The following EDNRB variants were observed in gnomAD, a reference collection of about 807,000 sequenced individuals.
EDNRB encodes the protein Hirschsprung disease 2.
EDNRB carries 18 observed loss-of-function variants against 46.4 expected under a neutral mutation model. The ratio of observed to expected loss-of-function variants is 0.39; its 90% CI spans 0.27 to 0.57. The LOEUF (loss-of-function observed/expected upper bound fraction) is 0.57. EDNRB is among the 20% of genes least tolerant of loss of function. EDNRB has a pLI of 0.61. For synonymous variants in EDNRB, 213 were observed against 204.9 expected (o/e 1.04, Z -0.34); for missense variants, 434 against 537.5 (o/e 0.81, Z 1.90).
chr13:77,911,079 T>C (rs1010298741), intron 1 of EDNRB, among the ~76,000 whole-genome samples: 1 of 152,032 alleles, frequency 6.6e-6, no homozygotes. Context: ...TAGTTTGAGC[T>C]TTAAAACTAT....
At chr13:77,958,891 C>G (rs1223533835) in intron 1 of EDNRB, among the ~76,000 whole-genome samples, 1 of 152,204 alleles carries the variant, frequency 6.6e-6, no homozygotes, top group East Asian at 1.9e-4. Flanking sequence ...GATCTGAGCA[C>G]CTTGAGTGGA....
At chr13:77,968,899 G>T (rs1881650657) in intron 1 of EDNRB, among the ~76,000 whole-genome samples, 2 of 152,156 alleles carry the variant, frequency 1.3e-5, no homozygotes, top group Non-Finnish European at 2.9e-5. Context: ...GATTGTTCTT[G>T]AAGTTGGACA....
intron 1 of EDNRB, among the ~76,000 whole-genome samples, chr13:77,959,944 G>A (rs1300509572): frequency 6.6e-6 from 1 of 152,202 alleles, no homozygotes; most frequent in South Asian, 2.1e-4. Flanking sequence ...ATCAGTGATT[G>A]AAGATCAAAT....
At chr13:77,928,827 A>G (rs1014242167) in intron 1 of EDNRB, among the ~76,000 whole-genome samples, 1 of 152,234 alleles carries the variant, frequency 6.6e-6, no homozygotes, top group African/African-American at 2.4e-5. Context: ...AAATCATTTA[A>G]GAAGAACTTC....
Position 77,903,551 on chromosome 13 carries a change from T to C in EDNRB, c.540A>G (p.Ile180Met), listed in dbSNP as rs759131722. ...GAEMCKLVPF[I>M]QKASVGITVL... ...CAGTGATTCCCACAGAGGCTTTCTG[T>C]ATGAAAGGCACCAGCTTACACATCT... Residue 180 changes from isoleucine (I) to methionine (M), a missense_variant, in exon 2 of 7, where the codon ATA (isoleucine) becomes ATG (methionine). Physicochemically the swap from Ile to Met is conservative, Grantham distance 10. Coordinates refer to ENST00000646607, the MANE Select transcript of EDNRB (RefSeq NM_001122659.3). 4.7e-5 allele frequency: 76 copies of C among 1,612,758 alleles called. No individual in the cohort carries two copies. Among genetic ancestry groups the C allele is most frequent in the Non-Finnish European group, 5.7e-5 (67 of 1,179,278 alleles).
chr13:77,899,410 C>A, intron 6 of EDNRB: 1 of 83,794 alleles, frequency 1.2e-5, no homozygotes. Context: ...AGAGGTAAAA[C>A]CTAAACTATT....
intron 1 of EDNRB, among the ~76,000 whole-genome samples, chr13:77,927,392 C>T (rs1209607556): frequency 6.6e-6 from 1 of 152,090 alleles, no homozygotes; most frequent in Non-Finnish European, 1.5e-5. Context: ...ACAAGTTGAC[C>T]CATCTGGGGG....
At chr13:77,944,231 T>G (rs1880837471) in intron 1 of EDNRB, among the ~76,000 whole-genome samples, 1 of 152,148 alleles carries the variant, frequency 6.6e-6, no homozygotes, top group South Asian at 2.1e-4. Context: ...AATAATGCTC[T>G]ATGGGGAATA....
chr13:77,940,676 C>A (rs755795612), intron 1 of EDNRB, among the ~76,000 whole-genome samples: 4 of 151,336 alleles, frequency 2.6e-5, no homozygotes, highest in Non-Finnish European at 4.4e-5. Flanking sequence ...AAATCTCATT[C>A]AAAGCCAAGG....
intron 1 of EDNRB, among the ~76,000 whole-genome samples, chr13:77,909,765 T>A (rs1879479807): frequency 6.6e-6 from 1 of 152,048 alleles, no homozygotes; most frequent in East Asian, 1.9e-4. Context: ...ACGGCAGAAA[T>A]CATCTATGAC....
chr13:77,932,524 G>A (rs1217625050), intron 1 of EDNRB, among the ~76,000 whole-genome samples: 1 of 152,072 alleles, frequency 6.6e-6, no homozygotes, highest in African/African-American at 2.4e-5. Context: ...GTTAAACATG[G>A]TAATAATACT....
chr13:77,930,677 C>CTT (rs1244186221), intron 1 of EDNRB, among the ~76,000 whole-genome samples: 1 of 152,162 alleles, frequency 6.6e-6, no homozygotes, highest in African/African-American at 2.4e-5. Flanking sequence ...GAGTTTGTAA[C>CTT]TTATTAACTT....
intron 1 of EDNRB, among the ~76,000 whole-genome samples, chr13:77,931,163 A>G (rs1467946753): frequency 6.6e-6 from 1 of 152,178 alleles, no homozygotes; most frequent in Admixed American, 6.5e-5. Context: ...CTATTTTTTT[A>G]ATAATACATC....
At chr13:77,937,809 A>T (rs1207604253) in intron 1 of EDNRB, among the ~76,000 whole-genome samples, 1 of 152,146 alleles carries the variant, frequency 6.6e-6, no homozygotes, top group Non-Finnish European at 1.5e-5. Context: ...AGAAAGACTC[A>T]GTGACGCTTG....
intron 5 of EDNRB, 149 bp downstream of exon 5, chr13:77,900,372 A>C: frequency 9.1e-7 from 1 of 1,097,566 alleles, no homozygotes; most frequent in Non-Finnish European, 1.3e-6. Flanking sequence ...TGTCCCTCTC[A>C]ACAGGACCTC....
intron 1 of EDNRB, among the ~76,000 whole-genome samples, chr13:77,915,314 C>G (rs1375936918): frequency 6.6e-6 from 1 of 152,164 alleles, no homozygotes; most frequent in Non-Finnish European, 1.5e-5. Context: ...AATCCTGACT[C>G]AAATTAATTT....
intron 1 of EDNRB, among the ~76,000 whole-genome samples, chr13:77,974,809 C>A (rs1014200391): frequency 6.6e-6 from 1 of 152,134 alleles, no homozygotes; most frequent in Non-Finnish European, 1.5e-5. Context: ...TGATGGCCAA[C>A]CTACCTCTAA....
rs768437943 is a variant in EDNRB at position 77,898,157 on chromosome 13, G to T, written c.*43C>A. 1 of 1,602,324 alleles carries T rather than the reference G, an allele frequency of 6.2e-7. No individual in the cohort carries two copies. The highest frequency in any genetic ancestry group is 1.7e-5 in the Admixed American group (1 of 59,332). ...TGTTTCATTTTGTTTTAATGACTTC[G>T]GTCCAATATAAAGAAAATGAAATAC... On this transcript the variant is annotated 3_prime_UTR_variant, in exon 7 of 7. Transcript: ENST00000646607.
chr13:77,968,240 A>G (rs1881634800), intron 1 of EDNRB, among the ~76,000 whole-genome samples: 1 of 152,102 alleles, frequency 6.6e-6, no homozygotes, highest in South Asian at 2.1e-4. Context: ...CTTAAGCAAC[A>G]TTGAGAATAT....
Sources: allele counts gnomAD v4.1 joint callset (sites outside exome capture counted in the v4.1 genomes callset), GRCh38; gene constraint gnomAD v4.1.1; transcripts MANE v1.5; gene names NCBI Gene and HGNC (gene_info 2026-07-23, HGNC 2026-07-21).